The following DYDC2 variants were observed in gnomAD, a reference collection of about 807,000 sequenced individuals.
DYDC2 encodes the protein DPY30 domain containing 2, also known as DPY30 domain-containing protein 2.
DYDC2 carries 19 observed loss-of-function variants against 18.7 expected under a neutral mutation model. The ratio of observed to expected loss-of-function variants is 1.02; its 90% confidence interval spans 0.71 to 1.49. DYDC2 has a LOEUF of 1.49. Among genes scored for constraint, DYDC2 ranks in the 40% most tolerant of loss-of-function variants. The pLI is 0.00. For missense variants in DYDC2, 179 were observed against 205.1 expected (o/e 0.87, Z 0.78); for synonymous variants, 63 against 67.6 (o/e 0.93, Z 0.34).
intron 2 of DYDC2, among the ~76,000 whole-genome samples, chr10:80,358,277 C>G (rs534731564): frequency 9.2e-5 from 14 of 152,308 alleles, no homozygotes; most frequent in African/African-American, 3.4e-4. Context: ...CCTCAGGAGG[C>G]TGAGACAGCG....
At chr10:80,347,276 C>CTTTTTTTTTTT (rs556362145) in intron 1 of DYDC2, among the ~76,000 whole-genome samples, 1 of 90,114 alleles carries the variant, frequency 1.1e-5, no homozygotes, top group African/African-American at 4.4e-5. Context: ...AATTGGGATC[C>CTTTTTTTTTTT]TTTTTTTTTT....
intron 1 of DYDC2, among the ~76,000 whole-genome samples, chr10:80,349,292 A>G (rs61859196): frequency 0.099 from 15,060 of 152,296 alleles, 1,009 homozygotes; most frequent in South Asian, 0.27. Flanking sequence ...TAAATTCTCA[A>G]TAGTAAACCT....
chr10:80,361,898 G>A (rs578107190), intron 2 of DYDC2, among the ~76,000 whole-genome samples: 5 of 152,200 alleles, frequency 3.3e-5, no homozygotes, highest in African/African-American at 1.2e-4. Context: ...TCTCCAAGGA[G>A]CCCTGATTCC....
intron 4 of DYDC2, among the ~76,000 whole-genome samples, chr10:80,366,028 CTT>C (rs770351822): frequency 4.4e-5 from 4 of 90,324 alleles, no homozygotes; most frequent in Admixed American, 1.5e-4. Flanking sequence ...TTTTCTTTCT[CTT>C]TTTTTTTTTT....
At chr10:80,358,113 A>C (rs1589529424) in intron 2 of DYDC2, 68 bp downstream of exon 2, 41 of 964,842 alleles carry the variant, frequency 4.2e-5, no homozygotes, top group Non-Finnish European at 4.8e-5. Flanking sequence ...GCGGTGGCTC[A>C]CCGCCTGTAA....
intron 1 of DYDC2, among the ~76,000 whole-genome samples, chr10:80,349,704 T>A (rs1302231914): frequency 2.0e-5 from 3 of 152,178 alleles, no homozygotes; most frequent in Non-Finnish European, 4.4e-5. Context: ...GTGTATTTGT[T>A]AAATAACAGT....
chr10:80,363,731 T>G (rs1397978469), intron 4 of DYDC2, among the ~76,000 whole-genome samples: 2 of 152,200 alleles, frequency 1.3e-5, no homozygotes, highest in Admixed American at 6.5e-5. Context: ...TCAAGTAGTA[T>G]TCAGTATTTT....
chr10:80,351,967 T>C (rs1161642948), upstream of DYDC2: 6 of 1,614,162 alleles, frequency 3.7e-6, no homozygotes, highest in Non-Finnish European at 5.1e-6. Flanking sequence ...GAGCTAATTC[T>C]CTTTCACGCT....
At chr10:80,349,193 C>G (rs1404693073) in intron 1 of DYDC2, among the ~76,000 whole-genome samples, 3 of 152,156 alleles carry the variant, frequency 2.0e-5, no homozygotes, top group African/African-American at 7.2e-5. Flanking sequence ...GCCCGGCCCG[C>G]AGATAAATAT....
upstream of DYDC2, among the ~76,000 whole-genome samples, chr10:80,354,722 C>T (rs1843251578): frequency 6.6e-6 from 1 of 152,092 alleles, no homozygotes; most frequent in South Asian, 2.1e-4. Context: ...CGTGCTCTCA[C>T]TCTCTGCCAT....
At chr10:80,350,472 C>T (rs1842921021) in intron 1 of DYDC2, among the ~76,000 whole-genome samples, 1 of 152,118 alleles carries the variant, frequency 6.6e-6, no homozygotes, top group South Asian at 2.1e-4. Context: ...AAGCACCTGG[C>T]CTGTTTGGAT....
intron 1 of DYDC2, among the ~76,000 whole-genome samples, chr10:80,357,374 G>C (rs1378348557): frequency 6.6e-6 from 1 of 151,996 alleles, no homozygotes; most frequent in African/African-American, 2.4e-5. Context: ...GAGGAGACTT[G>C]CTACACAGAA....
chr10:80,359,572 G>C (rs373805108), intron 2 of DYDC2, among the ~76,000 whole-genome samples: 47 of 152,288 alleles, frequency 3.1e-4, no homozygotes, highest in Admixed American at 5.9e-4. Context: ...GGGAGGCTCC[G>C]ACAGCACAGG....
intron 1 of DYDC2, among the ~76,000 whole-genome samples, chr10:80,357,272 G>A (rs891303233): frequency 6.6e-6 from 1 of 151,754 alleles, no homozygotes; most frequent in African/African-American, 2.4e-5. Flanking sequence ...GGATCGGGGC[G>A]GGAGGCAGAG....
chr10:80,357,609 G>A (rs1843466678), intron 1 of DYDC2, among the ~76,000 whole-genome samples: 3 of 152,160 alleles, frequency 2.0e-5, no homozygotes, highest in Admixed American at 2.0e-4. Context: ...GGTGACCTCT[G>A]CTTGGTTCCT....
At chr10:80,358,550 T>C (rs1843536514) in intron 2 of DYDC2, among the ~76,000 whole-genome samples, 1 of 152,192 alleles carries the variant, frequency 6.6e-6, no homozygotes, top group Non-Finnish European at 1.5e-5. Context: ...GGTATGCCAA[T>C]ACGGCTTGCC....
At position 80,358,553 on chromosome 10, in the gene DYDC2, G is replaced by A. The variant is rs187181240; in HGVS notation, c.-10+508G>A. ...AGAGTAGGGGGAGGTATGCCAATAC[G>A]GCTTGCCACATGTAACCAGTGTGGC... On this transcript the variant is annotated intron_variant, in intron 2 of 4. Coordinates refer to ENST00000256039, the MANE Select transcript of DYDC2 (RefSeq NM_032372.6). Among the ~76,000 whole-genome samples the A allele has an allele frequency of 6.7e-4, 102 of 152,212 alleles. 2 individuals are homozygous for A. The Middle Eastern group carries it at 0.017, about 25-fold the overall frequency.
At chr10:80,361,955 G>A (rs764326925) in intron 2 of DYDC2, among the ~76,000 whole-genome samples, 3 of 152,182 alleles carry the variant, frequency 2.0e-5, no homozygotes, top group Non-Finnish European at 2.9e-5. Context: ...TATGCTTAGC[G>A]TGCTCATTGC....
upstream of DYDC2, among the ~76,000 whole-genome samples, chr10:80,353,253 A>C (rs1431199789): frequency 6.6e-6 from 1 of 151,850 alleles, no homozygotes; most frequent in African/African-American, 2.4e-5. Flanking sequence ...TTTTCTTTTC[A>C]AGTTCACCTC....
Sources: gnomAD v4.1 joint callset for allele counts (sites outside exome capture counted in the v4.1 genomes callset) on GRCh38, gnomAD v4.1.1 for gene constraint, MANE v1.5 for transcripts, NCBI Gene and HGNC (gene_info 2026-07-23, HGNC 2026-07-21) for gene names.